The following ANK2 variants were observed in gnomAD, a reference collection of about 807,000 sequenced individuals.
The protein encoded by ANK2 is ankyrin 2, also known as ankyrin-2.
Under a neutral mutation model 360.5 loss-of-function variants are expected in ANK2, and 83 were observed. The ratio of observed to expected loss-of-function variants is 0.23; its 90% confidence interval spans 0.19 to 0.28. The LOEUF (loss-of-function observed/expected upper bound fraction) is 0.28. ANK2 is among the 10% of genes least tolerant of loss of function. The probability of loss-of-function intolerance (pLI) is 1.00; values close to 1 mark genes in which losing one functional copy is unlikely to be tolerated. For missense variants in ANK2, 4,201 were observed against 4,795.7 expected, an observed-to-expected ratio of 0.88 and a Z score of 3.66; for synonymous variants, 1,740 against 1,759.5, an observed-to-expected ratio of 0.99 and a Z score of 0.28.
At chr4:112,901,939 G>A (rs1394700544) in intron 1 of ANK2, among the ~76,000 whole-genome samples, 1 of 151,990 alleles carries the variant, frequency 6.6e-6, no homozygotes, top group Non-Finnish European at 1.5e-5. Context: ...AACAGCCAGG[G>A]GCCAGGAGAA....
intron 1 of ANK2, among the ~76,000 whole-genome samples, chr4:113,087,335 G>A (rs376674802): frequency 1.3e-5 from 2 of 152,292 alleles, no homozygotes. Flanking sequence ...ATGTATGTTG[G>A]AAAGTTATGG....
intron 1 of ANK2, among the ~76,000 whole-genome samples, chr4:112,859,666 G>A (rs140575552): frequency 3.8e-4 from 58 of 152,352 alleles, no homozygotes; most frequent in African/African-American, 1.2e-3. Context: ...CTGTTCAGGA[G>A]CAAGTCTGTG....
chr4:113,102,567 A>G (rs1187222384), intron 1 of ANK2, among the ~76,000 whole-genome samples: 2 of 152,176 alleles, frequency 1.3e-5, no homozygotes, highest in Non-Finnish European at 2.9e-5. Flanking sequence ...AAAGGAGGAC[A>G]CCTCAAAGAA....
intron 9 of ANK2, among the ~76,000 whole-genome samples, chr4:113,245,806 A>C (rs1354794908): frequency 2.6e-5 from 4 of 151,916 alleles, no homozygotes; most frequent in Non-Finnish European, 5.9e-5. Context: ...TACATATGAA[A>C]ATTTTTTTTT....
At chr4:112,767,596 A>ATAAATAAATAAT in the ANK2 span, among the ~76,000 whole-genome samples, 77 of 150,756 alleles carry the variant, frequency 5.1e-4, 1 homozygote, top group Admixed American at 5.0e-3. Flanking sequence ...AAATAAATAA[A>ATAAATAAATAAT]TAATAAAACA....
intron 2 of ANK2, among the ~76,000 whole-genome samples, chr4:113,013,486 A>G (rs1485536080): frequency 1.3e-5 from 2 of 152,184 alleles, no homozygotes; most frequent in East Asian, 3.8e-4. Context: ...TTTTCTAATT[A>G]TAGTAGTACT....
At chr4:113,317,613 C>A in intron 24 of ANK2, 94 bp from the exon 25 acceptor site, 1 of 943,306 alleles carries the variant, frequency 1.1e-6, no homozygotes, top group South Asian at 1.4e-5. Flanking sequence ...GCTAATAGCA[C>A]GCTTTTTTCA....
intron 1 of ANK2, among the ~76,000 whole-genome samples, chr4:112,884,237 T>A (rs1351101433): frequency 6.6e-6 from 1 of 152,234 alleles, no homozygotes; most frequent in African/African-American, 2.4e-5. Context: ...TAAATTATTC[T>A]ACTTTTTGGC....
chr4:113,292,357 C>T, intron 20 of ANK2, 59 bp from the exon 21 acceptor site: 1 of 1,433,764 alleles, frequency 7.0e-7, no homozygotes, highest in Admixed American at 1.9e-5. Flanking sequence ...GAAGGCTAAC[C>T]TAATTTTCCT....
At chr4:112,972,572 A>G (rs2039909361) in intron 2 of ANK2, among the ~76,000 whole-genome samples, 2 of 152,152 alleles carry the variant, frequency 1.3e-5, no homozygotes, top group African/African-American at 4.8e-5. Flanking sequence ...CTGGGTGAGA[A>G]GGTTTAAGAG....
In ANK2 at chr4:113,355,930, G is replaced by A. The variant is rs1394580006; in HGVS notation, c.7312G>A (p.Glu2438Lys). The part of the protein sequence containing the change: ...SLAVSHKDSL[E>K]ASPVLEDNSS... ...AGCAGTGAGCCACAAAGACTCTCTG[G>A]AAGCCAGCCCTGTGCTAGAAGATAA... is the stretch of plus-strand genomic sequence containing the variant. Residue 2438 changes from glutamate (E) to lysine (K), a missense_variant, in exon 38 of 46, where the codon GAA becomes AAA. Glu to Lys is a moderately conservative substitution (Grantham distance 56). Transcript: ENST00000357077. The A allele has an allele frequency of 1.2e-6, 2 of 1,614,050 alleles. No homozygotes were observed. The highest frequency in any genetic ancestry group is 2.2e-5 in the East Asian group (1 of 44,850).
intron 36 of ANK2, among the ~76,000 whole-genome samples, chr4:113,349,582 T>A (rs1472797703): frequency 6.6e-6 from 1 of 152,088 alleles, no homozygotes; most frequent in East Asian, 1.9e-4. Flanking sequence ...CTGAAGTCAT[T>A]CTTTCCCTCA....
intron 2 of ANK2, among the ~76,000 whole-genome samples, chr4:113,004,401 T>C (rs2051987056): frequency 6.6e-6 from 1 of 152,164 alleles, no homozygotes; most frequent in Non-Finnish European, 1.5e-5. Flanking sequence ...TAATTTTTTT[T>C]TCTTAAACAA....
intron 42 of ANK2, 59 bp downstream of exon 42, chr4:113,367,910 G>A (rs1226088495): frequency 6.3e-7 from 1 of 1,590,030 alleles, no homozygotes; most frequent in Non-Finnish European, 8.6e-7. Context: ...TATTGTGGAT[G>A]CCAGGCATAT....
the ANK2 span, among the ~76,000 whole-genome samples, chr4:112,751,722 C>T: frequency 6.6e-6 from 1 of 152,018 alleles, no homozygotes; most frequent in Admixed American, 6.6e-5. Context: ...GGAGTTCCCA[C>T]CAGATGGCAG....
intron 9 of ANK2, among the ~76,000 whole-genome samples, chr4:113,245,467 G>C (rs2153584755): frequency 6.6e-6 from 1 of 152,246 alleles, no homozygotes; most frequent in East Asian, 1.9e-4. Context: ...GAGGCATCAG[G>C]AAACTTACAA....
At chr4:113,021,653 A>C (rs541474806) in intron 2 of ANK2, among the ~76,000 whole-genome samples, 13 of 149,824 alleles carry the variant, frequency 8.7e-5, no homozygotes, top group Non-Finnish European at 1.8e-4. Flanking sequence ...ACTTTCTGAA[A>C]TATATGCAAG....
chr4:112,731,519 C>T, the ANK2 span, among the ~76,000 whole-genome samples: 1 of 151,810 alleles, frequency 6.6e-6, no homozygotes, highest in Non-Finnish European at 1.5e-5. Context: ...CACTTGAGCT[C>T]AGGAGTTTGA....
intron 2 of ANK2, among the ~76,000 whole-genome samples, chr4:112,910,410 C>T (rs1348701122): frequency 1.3e-5 from 2 of 152,184 alleles, no homozygotes; most frequent in African/African-American, 2.4e-5. Flanking sequence ...GAACTCGTTA[C>T]TGAGAGCTGC....
Sources: allele counts gnomAD v4.1 joint callset (sites outside exome capture counted in the v4.1 genomes callset), GRCh38; gene constraint gnomAD v4.1.1; transcripts MANE v1.5; gene names NCBI Gene and HGNC (gene_info 2026-07-23, HGNC 2026-07-21).